Variants in SMARCC1 observed in about 807,000 individuals in gnomAD.
SMARCC1 encodes the protein SWI/SNF complex subunit SMARCC1.
A neutral mutation model predicts 147.4 loss-of-function variants in SMARCC1; 43 were observed. The observed-to-expected ratio is 0.29, with a 90% CI of 0.23 to 0.38. SMARCC1 has a LOEUF of 0.38. SMARCC1 is among the 10% of genes least tolerant of loss of function. The probability of loss-of-function intolerance (pLI) is 1.00; values close to 1 mark genes in which losing one functional copy is unlikely to be tolerated. For missense variants in SMARCC1, 1,119 were observed against 1,381.1 expected (o/e 0.81, Z 3.01); for synonymous variants, 495 against 484.4 (o/e 1.02, Z -0.29).
At chr3:47,674,055 T>C (rs79111787) in intron 18 of SMARCC1, among the ~76,000 whole-genome samples, 2,146 of 152,338 alleles carry the variant, frequency 0.014, 55 homozygotes, top group Non-Finnish European at 0.012. Context: ...CAAATTATAG[T>C]TTACCCTGAA....
chr3:47,696,883 C>T (rs772199057), intron 11 of SMARCC1, among the ~76,000 whole-genome samples: 106 of 152,012 alleles, frequency 7.0e-4, no homozygotes, highest in Admixed American at 1.2e-3. Flanking sequence ...TTTTTTGAAT[C>T]GGGGTCTCAC....
At chr3:47,724,553 T>A (rs1027547837) in intron 6 of SMARCC1, among the ~76,000 whole-genome samples, 2 of 152,230 alleles carry the variant, frequency 1.3e-5, no homozygotes, top group African/African-American at 4.8e-5. Flanking sequence ...ATAAGTTTTC[T>A]TAGAACATTA....
chr3:47,630,687 C>CTTAGT (rs1285997998), intron 24 of SMARCC1, among the ~76,000 whole-genome samples: 1 of 152,174 alleles, frequency 6.6e-6, no homozygotes, highest in East Asian at 1.9e-4. Context: ...GATCAACTTG[C>CTTAGT]TTAGTGTAAA....
chr3:47,682,277 A>G (rs1293195328), intron 14 of SMARCC1, among the ~76,000 whole-genome samples: 1 of 148,840 alleles, frequency 6.7e-6, no homozygotes, highest in Non-Finnish European at 1.5e-5. Flanking sequence ...CCTGGGGGAC[A>G]GAGCAAGACT....
intron 6 of SMARCC1, among the ~76,000 whole-genome samples, chr3:47,727,952 A>C (rs1395496997): frequency 6.6e-6 from 1 of 151,990 alleles, no homozygotes; most frequent in African/African-American, 2.4e-5. Context: ...GGCTACGCAA[A>C]GGCACAATTA....
rs1248685848 is a variant in SMARCC1, at chr3:47,636,063, T to A, written c.2450A>T (p.Glu817Val). ...AQDGENEKNS[E>V]KEQDSEVSED... ...ACTCACTTCACTATCCTGTTCCTTTTCACTATTTTTTTCATTTTCTCCATC... is the reference window on the plus strand; with the variant it reads ...ACTCACTTCACTATCCTGTTCCTTTACACTATTTTTTTCATTTTCTCCATC... The change falls in exon 23 of 28, where the codon GAA (glutamate) becomes GTA (valine). Residue 817 changes from glutamate to valine, a missense_variant. By Grantham distance (121) the Glu-to-Val change is moderately radical (BLOSUM62 -2). Coordinates refer to ENST00000254480, the MANE Select transcript of SMARCC1 (RefSeq NM_003074.4). 1.2e-6 allele frequency: 2 copies of A among 1,606,628 alleles called. No homozygotes were observed. Among genetic ancestry groups the A allele is most frequent in the Non-Finnish European group, 1.7e-6 (2 of 1,173,902 alleles).
intron 2 of SMARCC1, among the ~76,000 whole-genome samples, chr3:47,769,257 C>T (rs1576437075): frequency 6.6e-6 from 1 of 150,818 alleles, no homozygotes; most frequent in Non-Finnish European, 1.5e-5. Context: ...TGGCTCACGC[C>T]TGTAATCCCA....
At chr3:47,765,681 G>A (rs1008856070) in intron 2 of SMARCC1, among the ~76,000 whole-genome samples, 6 of 151,908 alleles carry the variant, frequency 3.9e-5, no homozygotes, top group Admixed American at 1.3e-4. Context: ...CAACAGCAGA[G>A]TGAAATCAGT....
At chr3:47,772,036 T>G (rs751660157) in intron 2 of SMARCC1, among the ~76,000 whole-genome samples, 1 of 151,842 alleles carries the variant, frequency 6.6e-6, no homozygotes, top group African/African-American at 2.4e-5. Context: ...ACCACTGCAC[T>G]CTAGCCTGGG....
At chr3:47,639,715 A>AAACCAACC (rs58771135) in intron 21 of SMARCC1, among the ~76,000 whole-genome samples, 29,018 of 148,252 alleles carry the variant, frequency 0.2, 3,051 homozygotes, top group East Asian at 0.23. Context: ...CTACATCTCA[A>AAACCAACC]AACCAACCAA....
intron 18 of SMARCC1, among the ~76,000 whole-genome samples, chr3:47,673,400 G>GC (rs999867089): frequency 8.5e-6 from 1 of 117,058 alleles, no homozygotes; most frequent in Admixed American, 7.9e-5. Flanking sequence ...AAAAAAGGGT[G>GC]GGGGGGGGGC....
chr3:47,611,714 G>A (rs550021623), intron 25 of SMARCC1, among the ~76,000 whole-genome samples: 1 of 152,296 alleles, frequency 6.6e-6, no homozygotes, highest in South Asian at 2.1e-4. Flanking sequence ...TGGGCCTTTG[G>A]CAGAGGGCCG....
intron 21 of SMARCC1, among the ~76,000 whole-genome samples, chr3:47,641,630 C>T (rs1364594892): frequency 6.6e-6 from 1 of 151,606 alleles, no homozygotes; most frequent in Non-Finnish European, 1.5e-5. Flanking sequence ...ATAAAACTAC[C>T]ATATAAAACC....
At chr3:47,594,343 C>A (rs79128547) in intron 26 of SMARCC1, among the ~76,000 whole-genome samples, 1,571 of 152,290 alleles carry the variant, frequency 0.01, 23 homozygotes, top group African/African-American at 0.036. Context: ...GATCCGCTTG[C>A]TGGAAAATAA....
intron 10 of SMARCC1, among the ~76,000 whole-genome samples, chr3:47,705,609 G>C (rs11714840): frequency 0.32 from 48,284 of 151,808 alleles, 7,983 homozygotes; most frequent in East Asian, 0.43. Context: ...AACTAGGGTA[G>C]AGAGGAAAGT....
In SMARCC1 at chr3:47,708,588, C is replaced by G. The variant is rs1298954869; in HGVS notation, c.919-2058G>C. 3.3e-5 allele frequency among the ~76,000 whole-genome samples: 5 copies of G among 151,770 alleles called. No homozygotes were observed. The East Asian group carries it at 9.7e-4, about 29-fold the overall frequency. ...TGGAATATTCCTAATGACAAAAAAG[C>G]CTTGGATTAAAATATATTCAGGGAA... On this transcript the variant is annotated intron_variant, in intron 9 of 27. Transcript: ENST00000254480.
intron 7 of SMARCC1, among the ~76,000 whole-genome samples, chr3:47,717,994 G>A (rs1042114213): frequency 5.3e-5 from 8 of 151,238 alleles, no homozygotes; most frequent in African/African-American, 2.4e-5. Context: ...CCCTGCCCCC[G>A]CCAACAAAAA....
At chr3:47,737,897 C>T (rs2034463291) in intron 4 of SMARCC1, 132 bp downstream of exon 4, 5 of 427,892 alleles carry the variant, frequency 1.2e-5, no homozygotes, top group Middle Eastern at 1.4e-3. Context: ...CTCCTGACCT[C>T]GTGATCCGCC....
At chr3:47,621,128 C>T (rs181511387) in intron 25 of SMARCC1, among the ~76,000 whole-genome samples, 11 of 151,932 alleles carry the variant, frequency 7.2e-5, no homozygotes, top group Admixed American at 4.6e-4. Flanking sequence ...GGTGAAACCC[C>T]GTCTCTACTA....
Sources: gnomAD v4.1 joint callset for allele counts (sites outside exome capture counted in the v4.1 genomes callset) on GRCh38, gnomAD v4.1.1 for gene constraint, MANE v1.5 for transcripts, NCBI Gene and HGNC (gene_info 2026-07-23, HGNC 2026-07-21) for gene names.